AKAP8: variants seen among roughly 807,000 people sequenced by gnomAD.
AKAP8 encodes the protein A-kinase anchor protein 8.
AKAP8 carries 24 observed loss-of-function variants against 67.5 expected under a neutral mutation model. That is an observed-to-expected ratio of 0.36 (90% CI 0.26 to 0.50). The LOEUF (loss-of-function observed/expected upper bound fraction) is 0.50. Ranked by LOEUF, AKAP8 falls within the 20% of genes least tolerant of loss-of-function variation. AKAP8 has a pLI of 0.97. For missense variants in AKAP8, 971 were observed against 955.9 expected (o/e 1.02, Z -0.21); for synonymous variants, 400 against 371.1 (o/e 1.08, Z -0.90).
Position 15,361,647 on chromosome 19 carries a change from C to T in AKAP8, c.1396+82G>A, listed in dbSNP as rs186895089. On this transcript the variant is annotated intron_variant, in intron 11 of 13. Transcript: ENST00000269701. ...GATTACAGGTGTGAGCCACCGTGCCCGGCCTCGTGCCACGTTTTACGGGTC... is the reference window on the plus strand; with the variant it reads ...GATTACAGGTGTGAGCCACCGTGCCTGGCCTCGTGCCACGTTTTACGGGTC... 91 of 1,309,412 alleles carry T rather than the reference C, an allele frequency of 6.9e-5. No homozygotes were observed. In the Middle Eastern group the frequency reaches 9.2e-4, roughly 13 times the overall value. 81.1% of individuals were successfully genotyped at this position (1,309,412 alleles called of 1,614,324 possible).
intron 8 of AKAP8, chr19:15,368,583 C>T (rs1246597671): frequency 4.1e-6 from 4 of 985,234 alleles, no homozygotes; most frequent in Non-Finnish European, 4.8e-6. Context: ...AGCCTGCCCA[C>T]CCCATGTGCA....
chr19:15,370,865 C>T (rs996597472), intron 7 of AKAP8, among the ~76,000 whole-genome samples: 14 of 152,008 alleles, frequency 9.2e-5, no homozygotes, highest in African/African-American at 1.9e-4. Context: ...CTTGTGACCT[C>T]GTGATCCACC....
chr19:15,372,246 A>G lies in AKAP8; in HGVS notation c.963T>C (p.Val321=). Residue 321 remains valine, a synonymous_variant, in exon 6 of 14, where the codon GTT becomes GTC. Coordinates refer to ENST00000269701, the MANE Select transcript of AKAP8 (RefSeq NM_005858.4). ...TTTCGGAGAAATCTCCTTCACTGTC[A>G]ACCCGGGCCAGTTTGGTGTCTGGCT... ...YEEPDTKLAR[V]DSEGDFSEND... 1.2e-6 allele frequency: 2 copies of G among 1,614,186 alleles called. No homozygotes were observed. The highest frequency in any genetic ancestry group is 1.7e-6 in the Non-Finnish European group (2 of 1,180,036).
chr19:15,374,346 T>G (rs951211462), intron 3 of AKAP8, among the ~76,000 whole-genome samples: 1 of 152,190 alleles, frequency 6.6e-6, no homozygotes, highest in Non-Finnish European at 1.5e-5. Context: ...GAACAGCAGT[T>G]CCGGCTGCTG....
intron 1 of AKAP8, among the ~76,000 whole-genome samples, chr19:15,377,266 A>G (rs1307949806): frequency 1.3e-5 from 2 of 152,096 alleles, no homozygotes; most frequent in Middle Eastern, 3.2e-3. Flanking sequence ...CTGCAGAGGG[A>G]CCTTGGCCAA....
chr19:15,379,323 G>A (rs1285726194), intron 1 of AKAP8: 1 of 226,054 alleles, frequency 4.4e-6, no homozygotes, highest in Non-Finnish European at 8.6e-6. Flanking sequence ...CGCCCCCCTA[G>A]CGCCGCCATT....
intron 13 of AKAP8, among the ~76,000 whole-genome samples, chr19:15,355,936 A>G (rs562602271): frequency 6.6e-6 from 1 of 152,008 alleles, no homozygotes; most frequent in African/African-American, 2.4e-5. Flanking sequence ...GGGTTTCACC[A>G]TGTTGGGCAG....
chr19:15,361,814 A>G lies in AKAP8; in HGVS notation c.1311T>C (p.Ile437=), dbSNP rs756752238. Residue 437 remains isoleucine, a synonymous_variant, in exon 11 of 14, where the codon ATT becomes ATC. Transcript: ENST00000269701. The part of the protein sequence containing the change: ...DKTVEFLQEY[I]VNRNKKIEKR... ...TCTCAATTTTCTTATTTCTGTTTAC[A>G]ATGTATTCCTAGGTGGGATTGGAGA... 1.9e-6 allele frequency: 3 copies of G among 1,613,750 alleles called. No individual in the cohort carries two copies. The highest frequency in any genetic ancestry group is 2.5e-6 in the Non-Finnish European group (3 of 1,179,712).
At chr19:15,357,941 C>T (rs1966906498) in intron 13 of AKAP8, among the ~76,000 whole-genome samples, 1 of 152,078 alleles carries the variant, frequency 6.6e-6, no homozygotes, top group Non-Finnish European at 1.5e-5. Flanking sequence ...CCCCAGCCTC[C>T]CAAAGTACTG....
Position 15,354,896 on chromosome 19 carries a change from T to C in AKAP8, c.*19A>G, listed in dbSNP as rs767131288. The C allele has an allele frequency of 5.0e-6, 8 of 1,610,728 alleles. No homozygotes were observed. The highest frequency in any genetic ancestry group is 1.1e-5 in the South Asian group (1 of 91,042). ...GCATCCATCATCCCAACGCCTTCCC[T>C]GGAACAGGGAAATGAGCATCATTCT... On this transcript the variant is annotated 3_prime_UTR_variant, in exon 14 of 14. Coordinates refer to ENST00000269701, the MANE Select transcript of AKAP8 (RefSeq NM_005858.4).
At chr19:15,377,961 T>G (rs775893966) in intron 1 of AKAP8, among the ~76,000 whole-genome samples, 10 of 152,214 alleles carry the variant, frequency 6.6e-5, no homozygotes, top group Non-Finnish European at 1.5e-4. Context: ...GGCCCAGCAC[T>G]GAGCTGCGCG....
chr19:15,374,649 G>A lies in AKAP8; in HGVS notation c.59-14C>T, dbSNP rs1407702426. ...TTCCATATGCACCTTAGGGGAAACA[G>A]AAACACACAAGAGCCCTGTTTGCAG... On this transcript the variant is annotated splice_polypyrimidine_tract_variant and intron_variant, in intron 2 of 13. Coordinates refer to ENST00000269701, the MANE Select transcript of AKAP8 (RefSeq NM_005858.4). 6 of 1,612,956 alleles carry A rather than the reference G, an allele frequency of 3.7e-6. No homozygotes were observed. Among genetic ancestry groups the A allele is most frequent in the Non-Finnish European group, 5.1e-6 (6 of 1,179,348 alleles).
At chr19:15,364,668 T>C (rs1370682161) in intron 9 of AKAP8, among the ~76,000 whole-genome samples, 1 of 150,216 alleles carries the variant, frequency 6.7e-6, no homozygotes, top group African/African-American at 2.5e-5. Context: ...TTTGTATTTT[T>C]AGTAGAGACA....
chr19:15,361,201 G>C (rs571677071), intron 11 of AKAP8, among the ~76,000 whole-genome samples: 4 of 152,224 alleles, frequency 2.6e-5, no homozygotes, highest in Non-Finnish European at 1.5e-5. Flanking sequence ...AAACCAAGGA[G>C]GAAAAGATAT....
At chr19:15,355,727 C>T (rs959458068) in intron 13 of AKAP8, among the ~76,000 whole-genome samples, 5 of 151,626 alleles carry the variant, frequency 3.3e-5, no homozygotes, top group South Asian at 2.1e-4. Flanking sequence ...CCACCATGCC[C>T]GGCCCATTCT....
intron 9 of AKAP8, among the ~76,000 whole-genome samples, chr19:15,363,359 G>GC (rs1241157566): frequency 2.7e-5 from 4 of 147,044 alleles, no homozygotes; most frequent in Admixed American, 6.7e-5. Flanking sequence ...GAGGTGGGGG[G>GC]GGGTCAGCCC....
intron 5 of AKAP8, 106 bp from the exon 6 acceptor site, chr19:15,372,453 T>C: frequency 6.9e-7 from 1 of 1,450,394 alleles, no homozygotes; most frequent in Non-Finnish European, 9.3e-7. Flanking sequence ...GCACAAAAGG[T>C]CTTTTCAAAA....
In AKAP8 at chr19:15,372,244, T is replaced by C; in HGVS notation, c.965A>G (p.Asp322Gly). The change falls in exon 6 of 14, where the codon GAC becomes GGC. Residue 322 changes from aspartate to glycine, a missense_variant. Asp to Gly is a moderately conservative substitution (Grantham distance 94, BLOSUM62 -1). Coordinates refer to ENST00000269701, the MANE Select transcript of AKAP8 (RefSeq NM_005858.4). The stretch of plus-strand genomic sequence containing the variant: ...ATTTTCGGAGAAATCTCCTTCACTG[T>C]CAACCCGGGCCAGTTTGGTGTCTGG... ...EEPDTKLARV[D>G]SEGDFSENDD... 1 of 1,614,216 alleles carries C rather than the reference T, an allele frequency of 6.2e-7. No homozygotes were observed. Among genetic ancestry groups the C allele is most frequent in the Non-Finnish European group, 8.5e-7 (1 of 1,180,036 alleles).
At chr19:15,374,785 C>T in intron 2 of AKAP8, 150 bp from the exon 3 acceptor site, 2 of 818,720 alleles carry the variant, frequency 2.4e-6, no homozygotes, top group Non-Finnish European at 1.9e-6. Context: ...TTTTAGCTCA[C>T]TCAACTCCTA....
Sources: gnomAD v4.1 joint callset for allele counts (sites outside exome capture counted in the v4.1 genomes callset) on GRCh38, gnomAD v4.1.1 for gene constraint, MANE v1.5 for transcripts, NCBI Gene and HGNC (gene_info 2026-07-23, HGNC 2026-07-21) for gene names.